PRKD1: variants seen among roughly 807,000 people sequenced by gnomAD.
The protein encoded by PRKD1 is protein kinase D1, also known as serine/threonine-protein kinase D1.
In PRKD1, 63 loss-of-function variants were observed where a neutral mutation model predicts 95.9. That is an observed-to-expected ratio of 0.66 (90% CI 0.54 to 0.81). The LOEUF is 0.81. PRKD1 is among the 30% of genes least tolerant of loss of function. PRKD1 has a pLI of 0.00. For synonymous variants in PRKD1, 425 were observed against 423.1 expected (o/e 1.00, Z -0.05); for missense variants, 1,048 against 1,165.3 (o/e 0.90, Z 1.47).
intron 1 of PRKD1, among the ~76,000 whole-genome samples, chr14:29,894,275 G>A (rs1477878501): frequency 1.3e-5 from 2 of 152,230 alleles, no homozygotes; most frequent in Non-Finnish European, 2.9e-5. Context: ...GCCAGGGATG[G>A]CGAAAGAAGT....
rs764588984 is a variant in PRKD1 at position 29,626,488 on chromosome 14, A to G, written c.1794T>C (p.Tyr598=). ...ATACTCAGTGAGATAACCTACCTCC[A>G]TAAACAATTCCAAACTGTCCAGAAC... ...VLGSGQFGIV[Y]GGKHRKTGRD... is the part of the protein sequence containing the mutation. The change falls in exon 12 of 18, where the codon TAT becomes TAC. Residue 598 remains tyrosine (Y), a synonymous_variant. Coordinates refer to ENST00000331968, the MANE Select transcript of PRKD1 (RefSeq NM_002742.3). 1.9e-6 allele frequency: 3 copies of G among 1,611,338 alleles called. No homozygotes were observed. The highest frequency in any genetic ancestry group is 3.3e-5 in the Admixed American group (2 of 59,830).
At chr14:29,922,128 C>A (rs1432088499) in intron 1 of PRKD1, among the ~76,000 whole-genome samples, 1 of 151,656 alleles carries the variant, frequency 6.6e-6, no homozygotes, top group African/African-American at 2.4e-5. Context: ...GGTGAAACCC[C>A]ATCTCTACTA....
At chr14:29,828,968 G>C (rs1471398614) in intron 1 of PRKD1, among the ~76,000 whole-genome samples, 1 of 152,128 alleles carries the variant, frequency 6.6e-6, no homozygotes, top group Non-Finnish European at 1.5e-5. Context: ...GGATTTTTTG[G>C]AGTGCTCCCT....
intron 1 of PRKD1, among the ~76,000 whole-genome samples, chr14:29,885,870 G>T (rs1026390013): frequency 6.6e-6 from 1 of 151,286 alleles, no homozygotes; most frequent in Non-Finnish European, 1.5e-5. Flanking sequence ...AGGAAGCTGA[G>T]GCAGGAGAAT....
chr14:29,688,621 C>G (rs1884021476), intron 2 of PRKD1, among the ~76,000 whole-genome samples: 1 of 152,092 alleles, frequency 6.6e-6, no homozygotes, highest in Middle Eastern at 3.4e-3. Flanking sequence ...AAAATTAAGT[C>G]AAGATGGATT....
rs373665860 is a variant in PRKD1 at position 29,887,538 on chromosome 14, C to T, written c.264+39711G>A. On this transcript the variant is annotated intron_variant, in intron 1 of 17. Coordinates refer to ENST00000331968, the MANE Select transcript of PRKD1 (RefSeq NM_002742.3). ...GCACTGGGCTGTATGACAGATACAACGATACATAAAGTTTAGGTCCTTCCC... is the reference window on the plus strand; with the variant it reads ...GCACTGGGCTGTATGACAGATACAATGATACATAAAGTTTAGGTCCTTCCC... Among the ~76,000 whole-genome samples, 30 of 152,202 alleles carry T rather than the reference C, an allele frequency of 2.0e-4. No individual in the cohort carries two copies. In the East Asian group the frequency reaches 3.1e-3, roughly 16 times the overall value.
chr14:29,638,791 C>A lies in PRKD1; in HGVS notation c.810G>T (p.Pro270=). The change falls in exon 5 of 18, where the codon CCG becomes CCT. Residue 270 remains proline, a synonymous_variant. Coordinates refer to ENST00000331968, the MANE Select transcript of PRKD1 (RefSeq NM_002742.3). The part of the protein sequence containing the change: ...DKILMSKVKV[P]HTFVIHSYTR... ...TGTAGGAGTGGATGACAAATGTGTG[C>A]GGCACTTTAACTTTAGACATCAAAA... 1.9e-6 allele frequency: 3 copies of A among 1,613,824 alleles called. No homozygotes were observed. Among genetic ancestry groups the A allele is most frequent in the Non-Finnish European group, 2.5e-6 (3 of 1,179,906 alleles).
intron 16 of PRKD1, among the ~76,000 whole-genome samples, chr14:29,596,900 A>G (rs45466291): frequency 1.3e-5 from 2 of 152,188 alleles, no homozygotes; most frequent in Admixed American, 1.3e-4. Flanking sequence ...ATATAACTCT[A>G]AACAATGCAA....
intron 1 of PRKD1, among the ~76,000 whole-genome samples, chr14:29,808,415 T>TTTTTTTTG (rs1890335906): frequency 2.3e-5 from 3 of 132,042 alleles, no homozygotes; most frequent in African/African-American, 2.9e-5. Context: ...TTTTTTTTTT[T>TTTTTTTTG]GAGATGGGAG....
At chr14:29,826,010 G>A in intron 1 of PRKD1, among the ~76,000 whole-genome samples, 1 of 151,548 alleles carries the variant, frequency 6.6e-6, no homozygotes. Flanking sequence ...AAAGATACTG[G>A]TACATGCATG....
At chr14:29,598,029 A>G (rs1355689137) in intron 15 of PRKD1, among the ~76,000 whole-genome samples, 1 of 152,044 alleles carries the variant, frequency 6.6e-6, no homozygotes, top group Non-Finnish European at 1.5e-5. Context: ...TAATTCTAAC[A>G]TTTTGGGAGG....
At chr14:29,619,498 C>A (rs576125344) in intron 13 of PRKD1, among the ~76,000 whole-genome samples, 3 of 152,228 alleles carry the variant, frequency 2.0e-5, no homozygotes, top group Admixed American at 2.0e-4. Context: ...GTAAACAAAT[C>A]AATGTTAACT....
chr14:29,674,552 A>C (rs1265157978), intron 2 of PRKD1, among the ~76,000 whole-genome samples: 1 of 152,230 alleles, frequency 6.6e-6, no homozygotes, highest in Non-Finnish European at 1.5e-5. Flanking sequence ...AGAAAAAGAA[A>C]ATTAAGTAAA....
rs1306611085 is a variant in PRKD1 at position 29,599,068 on chromosome 14, G to A, written c.2125C>T (p.Pro709Ser). ...GCTGAGGCTAGCAACACATTTTCTG[G>A]TTTGAGGTCACAGTGAACGATATTT... ...FKNIVHCDLK[P>S]ENVLLASADP... Residue 709 changes from proline to serine, a missense_variant, in exon 15 of 18, where the codon CCA becomes TCA. By Grantham distance (74) the Pro-to-Ser change is moderately conservative. Around this residue, in one of 3 missense-constraint regions of PRKD1, gnomAD observed 739 missense variants for 861.9 expected, o/e 0.86. Coordinates refer to ENST00000331968, the MANE Select transcript of PRKD1 (RefSeq NM_002742.3). 1.9e-6 allele frequency: 3 copies of A among 1,613,836 alleles called. No individual in the cohort carries two copies. In the South Asian group the frequency reaches 3.3e-5, roughly 18 times the overall value.
At chr14:29,903,969 G>A (rs1894409442) in intron 1 of PRKD1, among the ~76,000 whole-genome samples, 1 of 152,026 alleles carries the variant, frequency 6.6e-6, no homozygotes, top group South Asian at 2.1e-4. Context: ...ATTTACGGAT[G>A]TATTTTTTAC....
chr14:29,588,452 T>C (rs990186554), intron 16 of PRKD1, among the ~76,000 whole-genome samples: 4 of 152,358 alleles, frequency 2.6e-5, no homozygotes. Flanking sequence ...ATTTACCAAG[T>C]TGAATGGCAA....
intron 1 of PRKD1, among the ~76,000 whole-genome samples, chr14:29,784,135 T>A (rs1242641837): frequency 6.6e-6 from 1 of 152,230 alleles, no homozygotes; most frequent in Non-Finnish European, 1.5e-5. Context: ...CCACTTTGAA[T>A]TGACTTTCTA....
chr14:29,652,913 A>G (rs1228316970), intron 4 of PRKD1: 1 of 152,222 alleles, frequency 6.6e-6, no homozygotes, highest in East Asian at 1.9e-4. Flanking sequence ...ATTTGAAAAG[A>G]AACTACTTTG....
At chr14:29,729,662 C>A (rs1330122158) in intron 1 of PRKD1, among the ~76,000 whole-genome samples, 1 of 151,784 alleles carries the variant, frequency 6.6e-6, no homozygotes, top group Non-Finnish European at 1.5e-5. Context: ...ATTTCTTTTC[C>A]TATCTTTATT....
Sources: allele counts gnomAD v4.1 joint callset (sites outside exome capture counted in the v4.1 genomes callset), GRCh38; gene constraint gnomAD v4.1.1; regional missense constraint gnomAD v4.1.1; transcripts MANE v1.5; gene names NCBI Gene and HGNC (gene_info 2026-07-23, HGNC 2026-07-21).